STPG2: variants seen among roughly 807,000 people sequenced by gnomAD.
STPG2 encodes sperm-tail PG-rich repeat-containing protein 2.
In STPG2, 56 loss-of-function variants were observed where a neutral mutation model predicts 54.2. That is an observed-to-expected ratio of 1.03 (90% CI 0.83 to 1.29). STPG2 has a LOEUF of 1.29. Among genes scored for constraint, STPG2 ranks in the 50% most tolerant of loss-of-function variants. The pLI is 0.00. For synonymous variants in STPG2, 200 were observed against 181.8 expected, an observed-to-expected ratio of 1.10 and a Z score of -0.81; for missense variants, 596 against 544.9, an observed-to-expected ratio of 1.09 and a Z score of -0.93.
intron 8 of STPG2, among the ~76,000 whole-genome samples, chr4:97,901,582 A>T (rs745337763): frequency 1.3e-5 from 2 of 151,990 alleles, no homozygotes; most frequent in South Asian, 4.1e-4. Flanking sequence ...TATTTCTTAT[A>T]GTATCAAAAT....
intron 5 of STPG2, among the ~76,000 whole-genome samples, chr4:98,006,616 A>G (rs1735582461): frequency 6.6e-6 from 1 of 152,156 alleles, no homozygotes; most frequent in African/African-American, 2.4e-5. Context: ...CAGAACTGAG[A>G]GATGAGTATG....
At chr4:97,612,914 A>G (rs1196680396) in intron 10 of STPG2, among the ~76,000 whole-genome samples, 5 of 152,016 alleles carry the variant, frequency 3.3e-5, no homozygotes, top group African/African-American at 1.2e-4. Context: ...TTAAAAATAT[A>G]TTTTATAATA....
intron 9 of STPG2, among the ~76,000 whole-genome samples, chr4:97,821,785 A>G (rs1728099164): frequency 2.0e-5 from 3 of 152,190 alleles, no homozygotes; most frequent in Non-Finnish European, 2.9e-5. Flanking sequence ...CTGAGGCCCT[A>G]TGAGCTGAGG....
chr4:97,808,462 A>G (rs1346344472), intron 9 of STPG2, among the ~76,000 whole-genome samples: 2 of 151,918 alleles, frequency 1.3e-5, no homozygotes, highest in Admixed American at 6.6e-5. Flanking sequence ...ATAAAACAGT[A>G]TAATTTCCAA....
chr4:98,114,716 G>GCACA (rs35922368), intron 3 of STPG2, among the ~76,000 whole-genome samples: 1 of 150,102 alleles, frequency 6.7e-6, no homozygotes, highest in Non-Finnish European at 1.5e-5. Context: ...GTGTACATGT[G>GCACA]CACACACACA....
At chr4:97,696,034 C>T (rs886759145) in intron 10 of STPG2, among the ~76,000 whole-genome samples, 28 of 151,732 alleles carry the variant, frequency 1.8e-4, no homozygotes, top group African/African-American at 6.3e-4. Flanking sequence ...CATATGAAAC[C>T]AAAAAAAGAG....
intron 8 of STPG2, among the ~76,000 whole-genome samples, chr4:97,842,351 A>C (rs1402193918): frequency 1.3e-5 from 2 of 151,876 alleles, no homozygotes; most frequent in Non-Finnish European, 2.9e-5. Flanking sequence ...CAACAGAGGC[A>C]ATATTTCCAT....
chr4:97,541,888 C>T (rs983255898), intron 4 of STPG2, among the ~76,000 whole-genome samples: 6 of 152,014 alleles, frequency 3.9e-5, no homozygotes, highest in South Asian at 4.1e-4. Context: ...CCCTATTTAA[C>T]AAATGGTGAT....
chr4:97,640,018 CA>C (rs1560698956), intron 10 of STPG2, among the ~76,000 whole-genome samples: 1 of 151,754 alleles, frequency 6.6e-6, no homozygotes, highest in Non-Finnish European at 1.5e-5. Context: ...TTATATAGTA[CA>C]AGAGATAAAT....
intron 5 of STPG2, among the ~76,000 whole-genome samples, chr4:98,040,602 C>G (rs913417380): frequency 7.9e-5 from 12 of 151,674 alleles, no homozygotes; most frequent in African/African-American, 2.4e-4. Context: ...TTTTTGTTGA[C>G]TTTATTAAAG....
intron 4 of STPG2, among the ~76,000 whole-genome samples, chr4:97,483,416 G>A (rs984092366): frequency 7.9e-5 from 12 of 151,492 alleles, no homozygotes; most frequent in Non-Finnish European, 1.6e-4. Context: ...AGCCAGCAAG[G>A]GTAGCTATTC....
chr4:97,555,419 T>C (rs1445350704), downstream of STPG2, among the ~76,000 whole-genome samples: 1 of 152,092 alleles, frequency 6.6e-6, no homozygotes, highest in Non-Finnish European at 1.5e-5. Flanking sequence ...GTGATCCTAC[T>C]GAAGATACCA....
chr4:98,140,155 T>C (rs899916929), intron 1 of STPG2, among the ~76,000 whole-genome samples: 6 of 152,156 alleles, frequency 3.9e-5, no homozygotes, highest in Admixed American at 2.0e-4. Context: ...GAAAACAGTG[T>C]ACTGGACAAA....
chr4:97,845,156 G>GT (rs554407070), intron 8 of STPG2, among the ~76,000 whole-genome samples: 4,627 of 148,018 alleles, frequency 0.031, 157 homozygotes, highest in African/African-American at 0.084. Flanking sequence ...TATCTAATAA[G>GT]TTTTTTTTTT....
chr4:97,855,512 T>C (rs891964440), intron 8 of STPG2, among the ~76,000 whole-genome samples: 8 of 152,132 alleles, frequency 5.3e-5, no homozygotes, highest in Non-Finnish European at 7.4e-5. Flanking sequence ...TACTTTTTAA[T>C]AAGGTTGTTT....
intron 9 of STPG2, among the ~76,000 whole-genome samples, chr4:97,742,362 A>G (rs1188424874): frequency 6.6e-6 from 1 of 151,270 alleles, no homozygotes; most frequent in Non-Finnish European, 1.5e-5. Flanking sequence ...CTTAAAGTAT[A>G]ATAATAATAA....
chr4:98,100,137 T>C (rs1312842147), intron 5 of STPG2, among the ~76,000 whole-genome samples: 1 of 151,998 alleles, frequency 6.6e-6, no homozygotes, highest in African/African-American at 2.4e-5. Flanking sequence ...ATAGGATAAA[T>C]ACAAAGAAAG....
intron 7 of STPG2, among the ~76,000 whole-genome samples, chr4:97,949,865 GTTTTGTT>G (rs58927143): frequency 0.13 from 19,230 of 151,732 alleles, 1,844 homozygotes; most frequent in African/African-American, 0.26. Context: ...ATGCCTTTGT[GTTTTGTT>G]TTTTGTTTTT....
Position 97,999,996 on chromosome 4 carries a change from G to C in STPG2, c.613-18678C>G, listed in dbSNP as rs191294923. 8.1e-4 allele frequency among the ~76,000 whole-genome samples: 124 copies of C among 152,210 alleles called. 3 individuals are homozygous for C. The East Asian group carries it at 0.022, about 27-fold the overall frequency. Reference sequence around the variant, plus strand: ...AATAATATTATGTAATATTTATGTGGTTCTCAGTATTATATCCATTTTAAT... The same window carrying C: ...AATAATATTATGTAATATTTATGTGCTTCTCAGTATTATATCCATTTTAAT... On this transcript the variant is annotated intron_variant, in intron 5 of 10. Coordinates refer to ENST00000295268, the MANE Select transcript of STPG2 (RefSeq NM_174952.3).
Sources: allele counts gnomAD v4.1 joint callset (sites outside exome capture counted in the v4.1 genomes callset), GRCh38; gene constraint gnomAD v4.1.1; transcripts MANE v1.5; gene names NCBI Gene and HGNC (gene_info 2026-07-23, HGNC 2026-07-21).